The following ASB4 variants were observed in gnomAD, a reference collection of about 807,000 sequenced individuals.
ASB4 encodes ankyrin repeat and SOCS box protein 4.
Under a neutral mutation model 38.6 loss-of-function variants are expected in ASB4, and 35 were observed. That is an observed-to-expected ratio of 0.91 (90% CI 0.69 to 1.20). The LOEUF (loss-of-function observed/expected upper bound fraction) is 1.20. Among genes scored for constraint, ASB4 ranks in the 50% most tolerant of loss-of-function variants. The pLI is 0.00. For missense variants in ASB4, 557 were observed against 527.2 expected (o/e 1.06, Z -0.55); for synonymous variants, 195 against 201.3 (o/e 0.97, Z 0.26).
At chr7:95,540,521 C>T (rs920551270), downstream of ASB4, among the ~76,000 whole-genome samples, 9 of 152,180 alleles carry the variant, frequency 5.9e-5, no homozygotes, top group African/African-American at 1.9e-4. Flanking sequence ...CATCTCTGTC[C>T]TCCTGGGGTT....
chr7:95,527,143 A>G (rs1397695396), intron 2 of ASB4, among the ~76,000 whole-genome samples: 1 of 152,128 alleles, frequency 6.6e-6, no homozygotes, highest in African/African-American at 2.4e-5. Context: ...TGAAAAATAT[A>G]ACCTTTAGGC....
At chr7:95,540,920 A>C (rs980770663), downstream of ASB4, among the ~76,000 whole-genome samples, 8 of 152,254 alleles carry the variant, frequency 5.3e-5, no homozygotes, top group African/African-American at 1.9e-4. Context: ...TGGAAAAGAC[A>C]GCTGAGTCTT....
intron 1 of ASB4, among the ~76,000 whole-genome samples, chr7:95,487,343 C>G (rs1422229679): frequency 6.6e-6 from 1 of 152,142 alleles, no homozygotes; most frequent in Non-Finnish European, 1.5e-5. Flanking sequence ...AATTTGTATA[C>G]TATATAATCA....
intron 2 of ASB4, among the ~76,000 whole-genome samples, chr7:95,527,530 A>G (rs1318138983): frequency 6.6e-6 from 1 of 152,164 alleles, no homozygotes; most frequent in Non-Finnish European, 1.5e-5. Context: ...ACCTGGGAGT[A>G]AGAAGTGAAA....
At chr7:95,527,667 C>A (rs1790757392) in intron 2 of ASB4, 146 bp from the exon 3 acceptor site, 1 of 811,002 alleles carries the variant, frequency 1.2e-6, no homozygotes, top group Non-Finnish European at 1.9e-6. Context: ...GGAAGAGAGC[C>A]TGGGGGCAAA....
In ASB4 at chr7:95,490,508, G is replaced by C. The variant is rs183088202; in HGVS notation, c.187+4350G>C. Among the ~76,000 whole-genome samples, 3 of 152,340 alleles carry C rather than the reference G, an allele frequency of 2.0e-5. No individual in the cohort carries two copies. The East Asian group carries it at 5.8e-4, about 29-fold the overall frequency. On this transcript the variant is annotated intron_variant, in intron 1 of 4. Coordinates refer to ENST00000325885, the MANE Select transcript of ASB4 (RefSeq NM_016116.3). ...GGACTGTGTAAATACATGGACACAG[G>C]CAGAGCAAATGTCTGCTAATCCAGC...
At chr7:95,549,422 T>G in the ASB4 span, among the ~76,000 whole-genome samples, 7 of 150,972 alleles carry the variant, frequency 4.6e-5, no homozygotes, top group Non-Finnish European at 7.4e-5. Flanking sequence ...TCAGCCTCCC[T>G]AGTAGCTGGG....
the ASB4 span, among the ~76,000 whole-genome samples, chr7:95,545,977 GTTA>G: frequency 4.1e-4 from 62 of 152,302 alleles, no homozygotes; most frequent in Non-Finnish European, 8.8e-5. Flanking sequence ...AAAAGAATTA[GTTA>G]TTGAGATAAT....
Position 95,495,098 on chromosome 7 carries a change from T to C in ASB4, c.188-660T>C, listed in dbSNP as rs545548483. Among the ~76,000 whole-genome samples, 328 of 152,376 alleles carry C rather than the reference T, an allele frequency of 2.2e-3. 1 individual carries two copies. The highest frequency in any genetic ancestry group is 7.2e-3 in the African/African-American group (300 of 41,596). On this transcript the variant is annotated intron_variant, in intron 1 of 4. Coordinates refer to ENST00000325885, the MANE Select transcript of ASB4 (RefSeq NM_016116.3). ...ACTTTTGACATTTTTATTTTCCTAC[T>C]TTTTTATTTTGCCCTTATTTTCTAA...
At chr7:95,515,135 A>G (rs1790536211) in intron 2 of ASB4, among the ~76,000 whole-genome samples, 1 of 151,594 alleles carries the variant, frequency 6.6e-6, no homozygotes, top group Non-Finnish European at 1.5e-5. Context: ...ACCTCTGTCC[A>G]AGCAATTGTT....
the ASB4 span, among the ~76,000 whole-genome samples, chr7:95,473,437 A>C: frequency 6.6e-6 from 1 of 152,188 alleles, no homozygotes; most frequent in African/African-American, 2.4e-5. Flanking sequence ...TGAGAGCCAC[A>C]GGTTTATCCA....
At chr7:95,487,602 T>G (rs1374090662) in intron 1 of ASB4, among the ~76,000 whole-genome samples, 5 of 152,112 alleles carry the variant, frequency 3.3e-5, no homozygotes, top group African/African-American at 9.7e-5. Flanking sequence ...TCTAGGGAAG[T>G]GGAGGGGAGA....
chr7:95,541,574 G>A (rs1490054563), downstream of ASB4, among the ~76,000 whole-genome samples: 2 of 152,146 alleles, frequency 1.3e-5, no homozygotes, highest in Admixed American at 6.5e-5. Context: ...GGGCTTTTTT[G>A]AGATAGGGAG....
At chr7:95,534,896 T>C (rs896611991) in intron 3 of ASB4, among the ~76,000 whole-genome samples, 2 of 152,200 alleles carry the variant, frequency 1.3e-5, no homozygotes, top group Non-Finnish European at 2.9e-5. Context: ...GAGTGTATAA[T>C]AGCCTCTTCT....
intron 3 of ASB4, among the ~76,000 whole-genome samples, chr7:95,531,339 A>G (rs1790817100): frequency 6.6e-6 from 1 of 152,172 alleles, no homozygotes; most frequent in Non-Finnish European, 1.5e-5. Flanking sequence ...TACCTCTGTA[A>G]TACAGCTCAC....
chr7:95,479,092 G>GA (rs111858857), intron 1 of ASB4, among the ~76,000 whole-genome samples: 51 of 152,274 alleles, frequency 3.3e-4, no homozygotes, highest in African/African-American at 9.4e-4. Flanking sequence ...CCATAAGGGA[G>GA]AAAAAAGCCC....
chr7:95,476,895 C>G (rs1789982778), upstream of ASB4, among the ~76,000 whole-genome samples: 1 of 152,188 alleles, frequency 6.6e-6, no homozygotes, highest in Non-Finnish European at 1.5e-5. Flanking sequence ...CAACCCACTC[C>G]TCCTCCAAAC....
At chr7:95,549,327 C>T in the ASB4 span, among the ~76,000 whole-genome samples, 2 of 38,326 alleles carry the variant, frequency 5.2e-5, no homozygotes, top group Non-Finnish European at 9.2e-5. Flanking sequence ...GATGGAGTCT[C>T]GCCCTGTCGC....
In ASB4 at chr7:95,528,066, C is replaced by A. The variant is rs1192420497; in HGVS notation, c.741C>A (p.Ala247=). The stretch of plus-strand genomic sequence containing the variant: ...TTGACTACAAAGCCGAAGTCAATGC[C>A]CGAGATGACGACTTTAAATCTCCCC... ...MLLDYKAEVN[A]RDDDFKSPLH... The change falls in exon 3 of 5, where the codon GCC becomes GCA. Residue 247 remains alanine, a synonymous_variant. Coordinates refer to ENST00000325885, the MANE Select transcript of ASB4 (RefSeq NM_016116.3). The A allele has an allele frequency of 1.2e-6, 2 of 1,614,048 alleles. No homozygotes were observed. Among genetic ancestry groups the A allele is most frequent in the Admixed American group, 3.3e-5 (2 of 60,002 alleles).
Sources: gnomAD v4.1 joint callset for allele counts (sites outside exome capture counted in the v4.1 genomes callset) on GRCh38, gnomAD v4.1.1 for gene constraint, MANE v1.5 for transcripts, NCBI Gene and HGNC (gene_info 2026-07-23, HGNC 2026-07-21) for gene names.